The following DIAPH2 variants were observed in gnomAD, a reference collection of about 807,000 sequenced individuals.
The protein encoded by DIAPH2 is diaphanous related formin 2.
DIAPH2 carries 35 observed loss-of-function variants against 92.7 expected under a neutral mutation model. The ratio of observed to expected loss-of-function variants is 0.38; its 90% CI spans 0.29 to 0.50. The LOEUF is 0.50. DIAPH2 is among the 20% of genes least tolerant of loss of function. The probability of loss-of-function intolerance (pLI) is 0.94; values close to 1 mark genes in which losing one functional copy is unlikely to be tolerated. For missense variants in DIAPH2, 701 were observed against 819.5 expected (o/e 0.86, Z 1.77); for synonymous variants, 301 against 280.4 (o/e 1.07, Z -0.73).
intron 4 of DIAPH2, among the ~76,000 whole-genome samples, chrX:96,777,849 A>G (rs113627420): frequency 0.011 from 1,203 of 111,345 alleles, 15 homozygotes; most frequent in African/African-American, 0.036. Context: ...AAATTGATCA[A>G]TTCTTCAGTA....
chrX:96,813,586 T>G (rs1483556690), intron 4 of DIAPH2, among the ~76,000 whole-genome samples: 1 of 111,526 alleles, frequency 9.0e-6, no homozygotes, highest in Non-Finnish European at 1.9e-5. Context: ...GTGGTTATTT[T>G]GCCCATTAGT....
intron 26 of DIAPH2, among the ~76,000 whole-genome samples, chrX:97,492,501 G>A (rs960407640): frequency 5.4e-5 from 6 of 111,199 alleles, no homozygotes; most frequent in Middle Eastern, 4.7e-3. Flanking sequence ...CCATACCAGT[G>A]TGTTGTATTC....
intron 19 of DIAPH2, among the ~76,000 whole-genome samples, chrX:97,090,482 C>G (rs954245941): frequency 1.8e-5 from 2 of 109,512 alleles, no homozygotes; most frequent in African/African-American, 3.3e-5. Context: ...CTCATTCTTT[C>G]TACACTCAGT....
At chrX:97,016,792 T>TAA (rs1202411504) in intron 17 of DIAPH2, among the ~76,000 whole-genome samples, 1 of 112,607 alleles carries the variant, frequency 8.9e-6, no homozygotes, top group African/African-American at 3.2e-5. Flanking sequence ...TTTAATCTCT[T>TAA]AAAGTATATC....
At chrX:97,269,076 C>G (rs892755852) in intron 23 of DIAPH2, among the ~76,000 whole-genome samples, 1 of 110,849 alleles carries the variant, frequency 9.0e-6, no homozygotes, top group Non-Finnish European at 1.9e-5. Flanking sequence ...AAGCTGGCCT[C>G]GATCTCCTGA....
intron 3 of DIAPH2, among the ~76,000 whole-genome samples, chrX:96,751,783 A>G (rs1466239969): frequency 1.2e-5 from 1 of 83,254 alleles, no homozygotes; most frequent in East Asian, 4.0e-4. Context: ...CCTCCCAAGT[A>G]GCTGGGACTA....
chrX:96,758,787 C>G, intron 4 of DIAPH2, among the ~76,000 whole-genome samples: 1 of 111,515 alleles, frequency 9.0e-6, no homozygotes, highest in South Asian at 3.7e-4. Context: ...TAAAGGATGT[C>G]ACCTAATAGG....
chrX:96,887,108 G>A (rs1027305791), intron 5 of DIAPH2, among the ~76,000 whole-genome samples: 2 of 111,081 alleles, frequency 1.8e-5, no homozygotes, highest in Non-Finnish European at 3.8e-5. Context: ...GAATGGAATC[G>A]TGTGCTTTAG....
At chrX:97,172,198 A>G (rs1175660440) in intron 22 of DIAPH2, among the ~76,000 whole-genome samples, 1 of 112,262 alleles carries the variant, frequency 8.9e-6, no homozygotes, top group Non-Finnish European at 1.9e-5. Flanking sequence ...TCAACTTAGA[A>G]TTCTATTTTC....
chrX:96,864,936 A>G (rs984749882), intron 4 of DIAPH2, among the ~76,000 whole-genome samples: 4 of 112,198 alleles, frequency 3.6e-5, no homozygotes, highest in Non-Finnish European at 7.5e-5. Context: ...GGGATGGTAA[A>G]GGGATTACTG....
At chrX:97,444,108 T>C (rs965882035) in intron 26 of DIAPH2, among the ~76,000 whole-genome samples, 7 of 111,884 alleles carry the variant, frequency 6.3e-5, no homozygotes, top group Non-Finnish European at 1.3e-4. Flanking sequence ...CGTAATAGTA[T>C]GTAAGACTGT....
intron 25 of DIAPH2, among the ~76,000 whole-genome samples, chrX:97,422,028 A>G (rs2070013990): frequency 8.9e-6 from 1 of 111,982 alleles, no homozygotes; most frequent in Non-Finnish European, 1.9e-5. Flanking sequence ...CAAAACTAAT[A>G]TATGATGATA....
intron 3 of DIAPH2, among the ~76,000 whole-genome samples, chrX:96,745,295 C>T (rs1039969178): frequency 9.0e-6 from 1 of 111,336 alleles, no homozygotes; most frequent in East Asian, 2.8e-4. Context: ...CATGAGCCAC[C>T]GTGCCCAGCC....
chrX:96,959,815 G>T (rs1436148447), intron 16 of DIAPH2, among the ~76,000 whole-genome samples: 1 of 111,152 alleles, frequency 9.0e-6, no homozygotes, highest in Admixed American at 9.5e-5. Context: ...ATATAGGTCA[G>T]GTTTAATTCT....
intron 20 of DIAPH2, among the ~76,000 whole-genome samples, chrX:97,100,922 G>C (rs192726744): frequency 1.2e-4 from 13 of 111,850 alleles, no homozygotes; most frequent in African/African-American, 3.9e-4. Flanking sequence ...CACTTATATA[G>C]AAGGATTCTG....
chrX:97,347,908 G>A (rs1007810687), intron 23 of DIAPH2, among the ~76,000 whole-genome samples: 2 of 111,572 alleles, frequency 1.8e-5, no homozygotes, highest in Non-Finnish European at 3.8e-5. Context: ...CAGACTTCTA[G>A]CCTCCAGAAT....
intron 23 of DIAPH2, among the ~76,000 whole-genome samples, chrX:97,278,300 A>T (rs2068468661): frequency 8.9e-6 from 1 of 111,942 alleles, no homozygotes; most frequent in Non-Finnish European, 1.9e-5. Flanking sequence ...TTAGTATGGT[A>T]CTTCTGTTGC....
At chrX:97,056,003 A>G (rs1035787103) in intron 17 of DIAPH2, among the ~76,000 whole-genome samples, 2 of 111,741 alleles carry the variant, frequency 1.8e-5, no homozygotes, top group Non-Finnish European at 3.8e-5. Context: ...AGAACACTTC[A>G]TGATTCATTT....
intron 21 of DIAPH2, among the ~76,000 whole-genome samples, 185 bp from the exon 22 acceptor site, chrX:97,141,480 C>G (rs1350323852): frequency 9.0e-6 from 1 of 111,392 alleles, no homozygotes; most frequent in African/African-American, 3.3e-5. Flanking sequence ...TACTGGTCAT[C>G]TTACTTGCTT....
Sources: allele counts gnomAD v4.1 joint callset (sites outside exome capture counted in the v4.1 genomes callset), GRCh38; gene constraint gnomAD v4.1.1; transcripts MANE v1.5; gene names NCBI Gene and HGNC (gene_info 2026-07-23, HGNC 2026-07-21).